CA10: variants seen among roughly 807,000 people sequenced by gnomAD.
The protein encoded by CA10 is carbonic anhydrase 10 (inactive).
A neutral mutation model predicts 44.2 loss-of-function variants in CA10; 14 were observed. That is an observed-to-expected ratio of 0.32 (90% CI 0.21 to 0.50). CA10 has a LOEUF of 0.50. Among genes scored for constraint, CA10 ranks in the 20% least tolerant of loss-of-function variants. The probability of loss-of-function intolerance (pLI) is 0.99; values close to 1 mark genes in which losing one functional copy is unlikely to be tolerated. For missense variants in CA10, 350 were observed against 409.7 expected (o/e 0.85, Z 1.26); for synonymous variants, 159 against 141.6 (o/e 1.12, Z -0.87).
intron 3 of CA10, among the ~76,000 whole-genome samples, chr17:51,865,354 G>A (rs1343884822): frequency 6.6e-6 from 1 of 152,168 alleles, no homozygotes; most frequent in East Asian, 1.9e-4. Context: ...TCTGGGTCTG[G>A]AACATGGTAG....
chr17:51,879,399 TTATC>T (rs1295329042), intron 3 of CA10, among the ~76,000 whole-genome samples: 6 of 152,164 alleles, frequency 3.9e-5, no homozygotes, highest in African/African-American at 7.2e-5. Flanking sequence ...GCTCCCAAGA[TTATC>T]TATCTAACCC....
intron 2 of CA10, among the ~76,000 whole-genome samples, chr17:52,066,323 A>C (rs979290469): frequency 2.6e-5 from 4 of 152,234 alleles, no homozygotes; most frequent in African/African-American, 9.6e-5. Flanking sequence ...AAATACTGAT[A>C]GTGATATGGA....
At position 52,132,658 on chromosome 17, in the gene CA10, C is replaced by G. The variant is rs767026061; in HGVS notation, c.61+25068G>C. ...GCATCTTTCCTCAGGCTCTGGCCAT[C>G]TGAGCACACTTGGTTTTAGTGAAGT... On this transcript the variant is annotated intron_variant, in intron 1 of 8. Transcript: ENST00000451037. Among the ~76,000 whole-genome samples the G allele has an allele frequency of 7.2e-5, 11 of 152,338 alleles. 1 individual carries two copies. The Middle Eastern group carries it at 0.01, about 141-fold the overall frequency.
intron 3 of CA10, among the ~76,000 whole-genome samples, chr17:51,791,475 A>T (rs732309): frequency 0.046 from 7,068 of 152,298 alleles, 407 homozygotes; most frequent in African/African-American, 0.13. Flanking sequence ...TTCCCTGTGA[A>T]TTCTCCCCTT....
At chr17:51,982,939 G>A (rs1010126586) in intron 2 of CA10, among the ~76,000 whole-genome samples, 31 of 151,678 alleles carry the variant, frequency 2.0e-4, no homozygotes, top group Non-Finnish European at 1.5e-4. Context: ...ATTAGATTAG[G>A]TGCCAACTTT....
intron 4 of CA10, among the ~76,000 whole-genome samples, chr17:51,694,021 A>G (rs1342001546): frequency 6.6e-6 from 1 of 152,074 alleles, no homozygotes; most frequent in Non-Finnish European, 1.5e-5. Context: ...CCTGACCAAC[A>G]TGGAGAAATC....
intron 3 of CA10, among the ~76,000 whole-genome samples, chr17:51,819,689 A>G (rs1422163758): frequency 1.3e-5 from 2 of 152,160 alleles, no homozygotes; most frequent in Non-Finnish European, 2.9e-5. Context: ...GCCTGTGCTC[A>G]TATTTCTTCT....
At chr17:52,004,425 C>T (rs1203043634) in intron 2 of CA10, among the ~76,000 whole-genome samples, 1 of 151,892 alleles carries the variant, frequency 6.6e-6, no homozygotes, top group African/African-American at 2.4e-5. Context: ...AGAAAGTCAG[C>T]TGCATATTTC....
chr17:51,810,752 T>C (rs1408923315), intron 3 of CA10, among the ~76,000 whole-genome samples: 2 of 152,144 alleles, frequency 1.3e-5, no homozygotes, highest in Non-Finnish European at 2.9e-5. Flanking sequence ...GGGGATGAGG[T>C]TCCCTGTTGA....
chr17:51,732,119 G>A (rs971456172), intron 4 of CA10, among the ~76,000 whole-genome samples: 1 of 152,180 alleles, frequency 6.6e-6, no homozygotes, highest in Non-Finnish European at 1.5e-5. Flanking sequence ...ATTCAAATGT[G>A]CTTGCTTGAA....
intron 2 of CA10, among the ~76,000 whole-genome samples, chr17:51,988,969 C>T (rs1984942274): frequency 6.6e-6 from 1 of 151,812 alleles, no homozygotes; most frequent in Non-Finnish European, 1.5e-5. Flanking sequence ...TATAGCACAT[C>T]TCAATTCATA....
intron 3 of CA10, among the ~76,000 whole-genome samples, chr17:51,793,790 C>T (rs960150008): frequency 6.6e-6 from 1 of 152,202 alleles, no homozygotes; most frequent in East Asian, 1.9e-4. Context: ...GCTTTCTTTC[C>T]TTACCATCTC....
At chr17:51,823,822 A>G (rs1330106850) in intron 3 of CA10, among the ~76,000 whole-genome samples, 1 of 152,226 alleles carries the variant, frequency 6.6e-6, no homozygotes, top group Non-Finnish European at 1.5e-5. Context: ...CTAGAGCAAC[A>G]TAAATCATTT....
chr17:52,060,375 AG>A (rs1309746016), intron 2 of CA10, among the ~76,000 whole-genome samples: 1 of 152,162 alleles, frequency 6.6e-6, no homozygotes, highest in Non-Finnish European at 1.5e-5. Flanking sequence ...CAACAGAAAC[AG>A]GACCTTAGTG....
chr17:51,821,039 C>T (rs1388034624), intron 3 of CA10, among the ~76,000 whole-genome samples: 22 of 96,840 alleles, frequency 2.3e-4, no homozygotes, highest in African/African-American at 6.9e-4. Flanking sequence ...CTCCCTCCCT[C>T]CCTCCCTCCC....
At chr17:51,815,693 C>T (rs754533242) in intron 3 of CA10, among the ~76,000 whole-genome samples, 1 of 152,086 alleles carries the variant, frequency 6.6e-6, no homozygotes, top group Non-Finnish European at 1.5e-5. Flanking sequence ...ACTTAAGTCC[C>T]TAGATCCCCA....
Position 51,972,328 on chromosome 17 carries a change from AATCTTT to A in CA10, c.137-41202_137-41197del, listed in dbSNP as rs1192050800. Among the ~76,000 whole-genome samples the A allele has an allele frequency of 2.0e-5, 3 of 151,894 alleles. 1 individual carries two copies. In the East Asian group the frequency reaches 5.8e-4, roughly 29 times the overall value. ...TCCTCACTAATATTCATGAGTCCTC[AATCTTT>A]ATTTTTAGATTCCATATCTAAAGTT... On this transcript the variant is annotated intron_variant, in intron 2 of 8. Coordinates refer to ENST00000451037, the MANE Select transcript of CA10 (RefSeq NM_020178.5).
chr17:52,146,521 T>C (rs1989588905), intron 1 of CA10, among the ~76,000 whole-genome samples: 1 of 151,760 alleles, frequency 6.6e-6, no homozygotes, highest in South Asian at 2.1e-4. Context: ...AAACCCCGCC[T>C]CTACTAAAAA....
chr17:51,924,004 T>A (rs1196464699), intron 3 of CA10, among the ~76,000 whole-genome samples: 1 of 152,148 alleles, frequency 6.6e-6, no homozygotes, highest in Non-Finnish European at 1.5e-5. Context: ...CTAATATCTA[T>A]AGTATATTTG....
Sources: gnomAD v4.1 joint callset for allele counts (sites outside exome capture counted in the v4.1 genomes callset) on GRCh38, gnomAD v4.1.1 for gene constraint, MANE v1.5 for transcripts, NCBI Gene and HGNC (gene_info 2026-07-23, HGNC 2026-07-21) for gene names.